The following VWA3B variants were observed in gnomAD, a reference collection of about 807,000 sequenced individuals.
The protein encoded by VWA3B is von Willebrand factor A domain containing 3B.
A neutral mutation model predicts 158.3 loss-of-function variants in VWA3B; 138 were observed. The observed-to-expected ratio is 0.87, with a 90% CI of 0.76 to 1.00. The LOEUF (loss-of-function observed/expected upper bound fraction) is 1.00, where lower values mean the gene tolerates loss of function less well. VWA3B is among the 50% of genes least tolerant of loss of function. VWA3B has a pLI of 0.00. For missense variants in VWA3B, 1,555 were observed against 1,565.1 expected, an observed-to-expected ratio of 0.99 and a Z score of 0.11; for synonymous variants, 596 against 587.3, an observed-to-expected ratio of 1.01 and a Z score of -0.21.
intron 26 of VWA3B, among the ~76,000 whole-genome samples, chr2:98,308,539 C>T (rs1049730742): frequency 1.1e-4 from 16 of 152,258 alleles, no homozygotes; most frequent in African/African-American, 3.6e-4. Flanking sequence ...CATTTGGCAT[C>T]CTCTCTCCTT....
intron 23 of VWA3B, among the ~76,000 whole-genome samples, chr2:98,296,082 A>G (rs1689786032): frequency 6.6e-6 from 1 of 152,206 alleles, no homozygotes; most frequent in Non-Finnish European, 1.5e-5. Flanking sequence ...GTCAGTGATA[A>G]ATGGTTTAGG....
At chr2:98,329,994 C>T in the VWA3B span, among the ~76,000 whole-genome samples, 1 of 152,174 alleles carries the variant, frequency 6.6e-6, no homozygotes, top group Admixed American at 6.5e-5. Context: ...ACCAGAGAGG[C>T]TGACTCCATC....
chr2:98,133,726 C>T (rs1000544277), intron 6 of VWA3B, 98 bp from the exon 7 acceptor site: 141 of 934,958 alleles, frequency 1.5e-4, no homozygotes, highest in Admixed American at 3.5e-4. Context: ...TGAAGATGCC[C>T]AGTGCTGCCG....
At chr2:98,328,290 A>G in the VWA3B span, among the ~76,000 whole-genome samples, 5 of 152,226 alleles carry the variant, frequency 3.3e-5, no homozygotes, top group East Asian at 3.8e-4. Context: ...ATGATTGGGA[A>G]CAAGCCAAGG....
chr2:98,277,333 C>A (rs919255975), intron 22 of VWA3B, among the ~76,000 whole-genome samples: 1 of 152,150 alleles, frequency 6.6e-6, no homozygotes, highest in Non-Finnish European at 1.5e-5. Flanking sequence ...CAGAGCTGAA[C>A]GATAGGGGAA....
At chr2:98,105,510 A>C (rs1673572737) in intron 2 of VWA3B, among the ~76,000 whole-genome samples, 2 of 152,004 alleles carry the variant, frequency 1.3e-5, no homozygotes, top group Non-Finnish European at 2.9e-5. Flanking sequence ...TTCCTATGTT[A>C]CCCCCTCCTA....
rs964655064 is a variant in VWA3B, at chr2:98,166,337, AAAAC to A, written c.1114+3380_1114+3383del. ...GGGCAACAGAGCGAGACTCTGTCTC[AAAAC>A]AAACAAACAAACAAACAACAAAATG... On this transcript the variant is annotated intron_variant, in intron 8 of 27. Transcript: ENST00000477737. Among the ~76,000 whole-genome samples, 12 of 152,286 alleles carry A rather than the reference AAAAC, an allele frequency of 7.9e-5. No individual in the cohort carries two copies. In the South Asian group the frequency reaches 8.3e-4, roughly 11 times the overall value.
Position 98,236,903 on chromosome 2 carries a change from C to T in VWA3B, c.2673+173C>T, listed in dbSNP as rs1471794927. 26 of 896,784 alleles carry T rather than the reference C, an allele frequency of 2.9e-5. No homozygotes were observed. The East Asian group carries it at 3.1e-4, about 11-fold the overall frequency. 55.6% of individuals were successfully genotyped at this position (896,784 alleles called of 1,614,324 possible). On this transcript the variant is annotated intron_variant, in intron 19 of 27. Transcript: ENST00000477737. ...AGAGAGGCTTTTAAGAATTTGGGCGCGGTGGCGCATGCCTGTAACCCCAGC... is the reference window on the plus strand; with the variant it reads ...AGAGAGGCTTTTAAGAATTTGGGCGTGGTGGCGCATGCCTGTAACCCCAGC...
chr2:98,311,941 C>T lies in VWA3B; in HGVS notation c.3644C>T (p.Pro1215Leu). The change falls in exon 27 of 28, where the codon CCA becomes CTA. Residue 1215 changes from proline (P) to leucine (L), a missense_variant. Pro to Leu is a moderately conservative substitution (Grantham distance 98). Transcript: ENST00000477737. Reference protein sequence around the residue: ...PRRKKRPAKQPLQQAAPSDSD... With the variant: ...PRRKKRPAKQLLQQAAPSDSD... ...AGGAAAAAGAGGCCCGCCAAGCAGCCACTCCAGCAGGCGGCGCCCTCGGAC... is the reference window on the plus strand; with the variant it reads ...AGGAAAAAGAGGCCCGCCAAGCAGCTACTCCAGCAGGCGGCGCCCTCGGAC... 6.2e-7 allele frequency: 1 copy of T among 1,608,376 alleles called. No homozygotes were observed. Among genetic ancestry groups the T allele is most frequent in the Non-Finnish European group, 8.5e-7 (1 of 1,177,394 alleles).
chr2:98,182,893 G>A (rs1680712828), intron 9 of VWA3B, among the ~76,000 whole-genome samples: 2 of 152,154 alleles, frequency 1.3e-5, no homozygotes, highest in African/African-American at 4.8e-5. Context: ...GGGCGGCAGA[G>A]GGAGACTTTG....
At chr2:98,236,090 G>A (rs1486041283) in intron 17 of VWA3B, among the ~76,000 whole-genome samples, 1 of 152,118 alleles carries the variant, frequency 6.6e-6, no homozygotes, top group East Asian at 1.9e-4. Context: ...AACAATCATT[G>A]GTTAATGGTA....
chr2:98,228,096 G>C, intron 14 of VWA3B, 106 bp from the exon 15 acceptor site: 1 of 1,312,148 alleles, frequency 7.6e-7, no homozygotes, highest in Non-Finnish European at 1.0e-6. Context: ...CAAGACCAGC[G>C]TGGGCAACAT....
intron 26 of VWA3B, among the ~76,000 whole-genome samples, chr2:98,304,820 G>A (rs571625294): frequency 2.0e-5 from 3 of 152,034 alleles, no homozygotes; most frequent in African/African-American, 4.8e-5. Flanking sequence ...TCACACACAC[G>A]CAGCACCCAC....
At chr2:98,092,814 T>TTGTG (rs1553633922) in intron 1 of VWA3B, among the ~76,000 whole-genome samples, 1 of 84,964 alleles carries the variant, frequency 1.2e-5, no homozygotes. Flanking sequence ...CTAGATGTTT[T>TTGTG]TGTATATATA....
intron 22 of VWA3B, among the ~76,000 whole-genome samples, chr2:98,282,523 C>T (rs1009758814): frequency 1.3e-5 from 2 of 150,022 alleles, no homozygotes; most frequent in Non-Finnish European, 1.5e-5. Flanking sequence ...CTGCAACTTC[C>T]GCCTTCCAGG....
At chr2:98,142,855 A>G (rs1014837330) in intron 7 of VWA3B, among the ~76,000 whole-genome samples, 6 of 152,208 alleles carry the variant, frequency 3.9e-5, no homozygotes, top group African/African-American at 1.4e-4. Flanking sequence ...TTGGGAAGCC[A>G]CTGGCCATAC....
intron 25 of VWA3B, among the ~76,000 whole-genome samples, chr2:98,302,855 T>C (rs539448697): frequency 1.3e-5 from 2 of 152,216 alleles, no homozygotes; most frequent in South Asian, 4.2e-4. Flanking sequence ...AAATGAAATT[T>C]AGGGTTAAGC....
chr2:98,203,730 T>A (rs1682781086), intron 12 of VWA3B, among the ~76,000 whole-genome samples: 1 of 152,254 alleles, frequency 6.6e-6, no homozygotes, highest in South Asian at 2.1e-4. Flanking sequence ...CTATTTGTTG[T>A]CAGTGTGTAG....
intron 9 of VWA3B, among the ~76,000 whole-genome samples, chr2:98,184,795 G>T (rs1204331924): frequency 1.3e-5 from 2 of 152,214 alleles, no homozygotes; most frequent in African/African-American, 4.8e-5. Flanking sequence ...CCTGGGGTGG[G>T]TGGTGGCCTC....
Sources: allele counts gnomAD v4.1 joint callset (sites outside exome capture counted in the v4.1 genomes callset), GRCh38; gene constraint gnomAD v4.1.1; transcripts MANE v1.5; gene names NCBI Gene and HGNC (gene_info 2026-07-23, HGNC 2026-07-21).